The following DOCK11 variants were observed in gnomAD, a reference collection of about 807,000 sequenced individuals.
The protein encoded by DOCK11 is dedicator of cytokinesis 11.
Under a neutral mutation model 169.1 loss-of-function variants are expected in DOCK11, and 70 were observed. The ratio of observed to expected loss-of-function variants is 0.41; its 90% CI spans 0.34 to 0.51. DOCK11 has a LOEUF of 0.51. Among genes scored for constraint, DOCK11 ranks in the 20% least tolerant of loss-of-function variants. DOCK11 has a pLI of 0.10. For synonymous variants in DOCK11, 529 were observed against 541.3 expected (o/e 0.98, Z 0.32); for missense variants, 1,166 against 1,538.8 (o/e 0.76, Z 4.05).
chrX:118,574,681 A>C (rs754849279), intron 12 of DOCK11, among the ~76,000 whole-genome samples: 6 of 111,851 alleles, frequency 5.4e-5, no homozygotes, highest in Non-Finnish European at 1.1e-4. Context: ...AGAAAAATTG[A>C]CCCTAAATTA....
intron 31 of DOCK11, among the ~76,000 whole-genome samples, chrX:118,622,131 G>A (rs747928549): frequency 9.0e-6 from 1 of 111,409 alleles, no homozygotes; most frequent in African/African-American, 3.3e-5. Context: ...AGTAATCCAC[G>A]TGCATGGTGA....
intron 6 of DOCK11, among the ~76,000 whole-genome samples, chrX:118,554,617 T>C: frequency 9.0e-6 from 1 of 111,539 alleles, no homozygotes; most frequent in Admixed American, 9.5e-5. Context: ...AATAATTGTT[T>C]AAAGATGGTA....
At chrX:118,612,308 C>A (rs764448867) in intron 28 of DOCK11, among the ~76,000 whole-genome samples, 6 of 112,038 alleles carry the variant, frequency 5.4e-5, no homozygotes, top group Admixed American at 4.7e-4. Flanking sequence ...AGTTTTAACC[C>A]TATTACACTA....
At chrX:118,529,902 G>T (rs1323860708) in intron 1 of DOCK11, among the ~76,000 whole-genome samples, 1 of 111,450 alleles carries the variant, frequency 9.0e-6, no homozygotes, top group African/African-American at 3.3e-5. Context: ...GAGGACATGG[G>T]GCTGGAGGCT....
In DOCK11 at chrX:118,598,084, A is replaced by G. The variant is rs1390043206; in HGVS notation, c.2440A>G (p.Lys814Glu). Reference sequence around the variant, plus strand: ...TGGTGCAAAGCCTTTGTTGAAGATTAAAAGCCACTTAGAATCTACCATTTA... The same window carrying G: ...TGGTGCAAAGCCTTTGTTGAAGATTGAAAGCCACTTAGAATCTACCATTTA... ...VDGAKPLLKI[K>E]SHLESTIYTQ... is the part of the protein sequence containing the mutation. The change falls in exon 22 of 53, where the codon AAA becomes GAA. Residue 814 changes from lysine to glutamate, a missense_variant. Coordinates refer to ENST00000276202, the MANE Select transcript of DOCK11 (RefSeq NM_144658.4). 3 of 1,197,873 alleles carry G rather than the reference A, an allele frequency of 2.5e-6. No individual in the cohort carries two copies. The highest frequency in any genetic ancestry group is 4.4e-5 in the Admixed American group (2 of 45,782).
intron 35 of DOCK11, chrX:118,632,408 AT>A (rs1173609099): frequency 7.1e-5 from 8 of 112,040 alleles, no homozygotes; most frequent in African/African-American, 2.6e-4. Flanking sequence ...TAAAAAGCAC[AT>A]TTTCAATAAC....
intron 12 of DOCK11, 128 bp from the exon 13 acceptor site, chrX:118,578,397 T>C: frequency 1.4e-6 from 1 of 730,133 alleles, no homozygotes; most frequent in African/African-American, 2.2e-5. Context: ...GGAAATTCTA[T>C]CTATTTCTAG....
Position 118,542,964 on chromosome X carries a change from T to C in DOCK11, c.258T>C (p.Ser86=), listed in dbSNP as rs920518487. The change falls in exon 3 of 53, where the codon TCT becomes TCC. Residue 86 remains serine, a synonymous_variant. Coordinates refer to ENST00000276202, the MANE Select transcript of DOCK11 (RefSeq NM_144658.4). ...GTCGTCAACGCAGAACGGTGCAGTC[T>C]ACTGTACCAGAAGATGCTGAAAAGA... ...VIGRQRRTVQ[S]TVPEDAEKRA... The C allele has an allele frequency of 1.7e-6, 2 of 1,209,414 alleles. No homozygotes were observed. Among genetic ancestry groups the C allele is most frequent in the African/African-American group, 3.5e-5 (2 of 57,115 alleles).
chrX:118,601,982 GT>G (rs957190895), intron 23 of DOCK11, among the ~76,000 whole-genome samples: 3 of 106,979 alleles, frequency 2.8e-5, no homozygotes, highest in African/African-American at 1.0e-4. Flanking sequence ...TAGAGATGGG[GT>G]TTTGCCATGT....
chrX:118,545,278 T>C, intron 4 of DOCK11, 45 bp from the exon 5 acceptor site: 2 of 937,244 alleles, frequency 2.1e-6, no homozygotes, highest in Admixed American at 3.3e-5. Flanking sequence ...TTTCTTTTTT[T>C]TTTTGGTCTT....
intron 1 of DOCK11, among the ~76,000 whole-genome samples, chrX:118,531,818 C>T (rs1469937596): frequency 1.2e-5 from 1 of 85,542 alleles, no homozygotes; most frequent in Non-Finnish European, 2.3e-5. Flanking sequence ...ATCAGCCTCC[C>T]AAAGTGCTGT....
Position 118,610,615 on chromosome X carries a change from G to A in DOCK11, c.3096+197G>A, listed in dbSNP as rs187972379. Among the ~76,000 whole-genome samples the A allele has an allele frequency of 3.9e-3, 431 of 110,408 alleles. 2 individuals are homozygous for A. The highest frequency in any genetic ancestry group is 0.013 in the African/African-American group (401 of 30,240). ...AGTGTAGATATCTCTTTGATGCACTGATTTTCTTCCTTTTGGGTATACATC... is the reference window on the plus strand; with the variant it reads ...AGTGTAGATATCTCTTTGATGCACTAATTTTCTTCCTTTTGGGTATACATC... On this transcript the variant is annotated intron_variant, in intron 28 of 52. Coordinates refer to ENST00000276202, the MANE Select transcript of DOCK11 (RefSeq NM_144658.4).
chrX:118,681,662 A>C, intron 50 of DOCK11, 32 bp from the exon 51 acceptor site: 1 of 1,038,006 alleles, frequency 9.6e-7, no homozygotes, highest in Non-Finnish European at 1.3e-6. Context: ...GCATTCTGGA[A>C]ACACTCTCAT....
At chrX:118,542,520 T>A (rs201324675) in intron 1 of DOCK11, among the ~76,000 whole-genome samples, 17 of 103,899 alleles carry the variant, frequency 1.6e-4, no homozygotes, top group East Asian at 6.0e-4. Context: ...GTGTGTGTGT[T>A]TGTGTGTGTG....
chrX:118,521,976 G>A (rs1278344114), intron 1 of DOCK11, among the ~76,000 whole-genome samples: 2 of 111,863 alleles, frequency 1.8e-5, no homozygotes, highest in African/African-American at 6.5e-5. Flanking sequence ...ACTCTTTAAA[G>A]CATTGAAAAT....
chrX:118,504,144 C>A (rs763550546), intron 1 of DOCK11, among the ~76,000 whole-genome samples: 1 of 111,087 alleles, frequency 9.0e-6, no homozygotes, highest in African/African-American at 3.3e-5. Flanking sequence ...CTCCGACCCC[C>A]ACCCCAGCCC....
intron 40 of DOCK11, among the ~76,000 whole-genome samples, chrX:118,643,894 A>G (rs924174175): frequency 8.9e-6 from 1 of 111,832 alleles, no homozygotes; most frequent in Non-Finnish European, 1.9e-5. Flanking sequence ...GCTTCTTTTT[A>G]AAAGTATTGT....
intron 41 of DOCK11, among the ~76,000 whole-genome samples, 156 bp from the exon 42 acceptor site, chrX:118,651,808 T>G (rs1423735308): frequency 8.9e-6 from 1 of 112,113 alleles, no homozygotes; most frequent in Non-Finnish European, 1.9e-5. Flanking sequence ...CAGAAGAATG[T>G]AAACCCCTCA....
intron 38 of DOCK11, among the ~76,000 whole-genome samples, chrX:118,640,021 T>C (rs1225692832): frequency 8.9e-6 from 1 of 112,310 alleles, no homozygotes; most frequent in Admixed American, 9.5e-5. Context: ...TAATAGTATA[T>C]GTAATATTTG....
Sources: allele counts gnomAD v4.1 joint callset (sites outside exome capture counted in the v4.1 genomes callset), GRCh38; gene constraint gnomAD v4.1.1; transcripts MANE v1.5; gene names NCBI Gene and HGNC (gene_info 2026-07-23, HGNC 2026-07-21).